Variants in VMP1 observed in about 807,000 individuals in gnomAD.
VMP1 encodes ectopic P-granules autophagy protein 3 homolog.
Under a neutral mutation model 56.0 loss-of-function variants are expected in VMP1, and 11 were observed. The observed-to-expected ratio is 0.20, with a 90% CI of 0.12 to 0.32. VMP1 has a LOEUF of 0.32. Ranked by LOEUF, VMP1 falls within the 10% of genes least tolerant of loss-of-function variation. The pLI is 1.00. For missense variants in VMP1, 296 were observed against 490.3 expected (o/e 0.60, Z 3.74); for synonymous variants, 149 against 165.0 (o/e 0.90, Z 0.74).
chr17:59,722,666 C>T (rs2034446236), intron 1 of VMP1, among the ~76,000 whole-genome samples: 1 of 152,146 alleles, frequency 6.6e-6, no homozygotes, highest in South Asian at 2.1e-4. Context: ...CATGGTGAAA[C>T]CCCATCTCTA....
chr17:59,786,137 T>C (rs2037000537), intron 7 of VMP1, among the ~76,000 whole-genome samples: 1 of 152,354 alleles, frequency 6.6e-6, no homozygotes, highest in Non-Finnish European at 1.5e-5. Context: ...GTAGTTCTCA[T>C]TCTTATGGCC....
chr17:59,817,899 T>C (rs2038301571), intron 10 of VMP1, 126 bp downstream of exon 10: 1 of 593,892 alleles, frequency 1.7e-6, no homozygotes, highest in African/African-American at 1.9e-5. Flanking sequence ...AAAAATAACT[T>C]GCTGTTATTA....
chr17:59,807,846 A>G (rs956275927), intron 7 of VMP1, among the ~76,000 whole-genome samples: 1 of 151,678 alleles, frequency 6.6e-6, no homozygotes, highest in Non-Finnish European at 1.5e-5. Context: ...AAAAAAAAAA[A>G]AAAAAGAAAG....
intron 5 of VMP1, 137 bp downstream of exon 5, chr17:59,739,084 T>G (rs746898554): frequency 4.9e-6 from 3 of 616,220 alleles, no homozygotes; most frequent in Non-Finnish European, 7.8e-6. Flanking sequence ...CTCCAATCAG[T>G]GCTTTAAGTT....
At chr17:59,832,287 C>T (rs1373259218) in intron 10 of VMP1, among the ~76,000 whole-genome samples, 3 of 149,626 alleles carry the variant, frequency 2.0e-5, no homozygotes, top group Non-Finnish European at 4.4e-5. Flanking sequence ...CTCAGCCTCC[C>T]GAGTAGCTGG....
intron 1 of VMP1, among the ~76,000 whole-genome samples, chr17:59,724,525 A>G (rs1401365376): frequency 6.6e-6 from 1 of 152,124 alleles, no homozygotes; most frequent in East Asian, 1.9e-4. Context: ...TATAAAAATT[A>G]GCCTGTCGTG....
chr17:59,811,831 T>G (rs2063353), intron 9 of VMP1, 45 bp downstream of exon 9: 653,751 of 1,280,190 alleles, frequency 0.51, 175,161 homozygotes, highest in Non-Finnish European at 0.55. Context: ...ATGAACCCAT[T>G]ACAAGACAAT....
At chr17:59,837,528 A>G (rs905308484) in intron 10 of VMP1, 1 of 152,240 alleles carries the variant, frequency 6.6e-6, no homozygotes, top group Non-Finnish European at 1.5e-5. Context: ...CTCCGAGTAC[A>G]TAAATTTATC....
chr17:59,800,925 C>G (rs1007495961), intron 7 of VMP1, among the ~76,000 whole-genome samples: 6 of 151,542 alleles, frequency 4.0e-5, no homozygotes, highest in African/African-American at 1.5e-4. Flanking sequence ...ACTAAAAATA[C>G]AAAAATTATC....
intron 7 of VMP1, among the ~76,000 whole-genome samples, chr17:59,793,985 A>G (rs1239439747): frequency 2.0e-5 from 3 of 150,918 alleles, no homozygotes; most frequent in Non-Finnish European, 4.4e-5. Context: ...CAGTGGCACA[A>G]TCTCGGTTCA....
At chr17:59,745,691 G>A (rs1757528483) in intron 5 of VMP1, among the ~76,000 whole-genome samples, 2 of 152,106 alleles carry the variant, frequency 1.3e-5, no homozygotes, top group South Asian at 4.1e-4. Flanking sequence ...AGGGAAATGT[G>A]ACATTCTCAT....
intron 5 of VMP1, among the ~76,000 whole-genome samples, chr17:59,743,766 C>T (rs2035316726): frequency 6.6e-6 from 1 of 151,920 alleles, no homozygotes; most frequent in South Asian, 2.1e-4. Flanking sequence ...TGCAACATTG[C>T]TGTAATTGCT....
At position 59,726,518 on chromosome 17, in the gene VMP1, T is replaced by C. The variant is rs62081782; in HGVS notation, c.-26-4903T>C. Among the ~76,000 whole-genome samples the C allele has an allele frequency of 1.2e-3, 185 of 152,328 alleles. 1 individual carries two copies. The highest frequency in any genetic ancestry group is 2.2e-3 in the Admixed American group (34 of 15,298). ...CATGTTGGCCAGGCTGGTCTCGAAC[T>C]CCTGACCTCGGGTGATCTGCCCGCC... On this transcript the variant is annotated intron_variant, in intron 1 of 11. Transcript: ENST00000262291.
intron 7 of VMP1, among the ~76,000 whole-genome samples, chr17:59,797,263 G>A (rs1373184302): frequency 4.7e-5 from 7 of 150,502 alleles, no homozygotes; most frequent in East Asian, 3.9e-4. Flanking sequence ...GATTGAACCC[G>A]GGAGCAGAGG....
At chr17:59,780,588 GT>G (rs1203699799) in intron 7 of VMP1, among the ~76,000 whole-genome samples, 1 of 151,872 alleles carries the variant, frequency 6.6e-6, no homozygotes, top group Non-Finnish European at 1.5e-5. Context: ...TTTGTTTTTT[GT>G]TTTTTGTTTT....
At chr17:59,743,500 C>T (rs1475468049) in intron 5 of VMP1, among the ~76,000 whole-genome samples, 1 of 151,538 alleles carries the variant, frequency 6.6e-6, no homozygotes. Flanking sequence ...TTTGTGTATC[C>T]ATTCACTTAC....
intron 8 of VMP1, among the ~76,000 whole-genome samples, chr17:59,810,427 T>C (rs2038017467): frequency 6.6e-6 from 1 of 152,188 alleles, no homozygotes; most frequent in African/African-American, 2.4e-5. Context: ...GTGCTGGGAT[T>C]ATAGGCATAA....
intron 10 of VMP1, among the ~76,000 whole-genome samples, chr17:59,822,365 G>A (rs1050391992): frequency 2.2e-5 from 3 of 139,158 alleles, no homozygotes; most frequent in Non-Finnish European, 3.1e-5. Flanking sequence ...GTCTTGCTGT[G>A]TCGCCCAGGC....
intron 9 of VMP1, among the ~76,000 whole-genome samples, chr17:59,816,983 A>G (rs1219460738): frequency 2.0e-5 from 3 of 149,010 alleles, no homozygotes; most frequent in Non-Finnish European, 3.0e-5. Flanking sequence ...AGAAAAAAAA[A>G]AAGGGCCGGG....
Sources: allele counts gnomAD v4.1 joint callset (sites outside exome capture counted in the v4.1 genomes callset), GRCh38; gene constraint gnomAD v4.1.1; transcripts MANE v1.5; gene names NCBI Gene and HGNC (gene_info 2026-07-23, HGNC 2026-07-21).